The following COBL variants were observed in gnomAD, a reference collection of about 807,000 sequenced individuals.
COBL encodes the protein protein cordon-bleu.
A neutral mutation model predicts 98.8 loss-of-function variants in COBL; 51 were observed. That is an observed-to-expected ratio of 0.52 (90% CI 0.41 to 0.65). The LOEUF (loss-of-function observed/expected upper bound fraction) is 0.65. Ranked by LOEUF, COBL falls within the 30% of genes least tolerant of loss-of-function variation. The pLI is 0.00. For synonymous variants in COBL, 634 were observed against 651.7 expected (o/e 0.97, Z 0.41); for missense variants, 1,617 against 1,617.5 (o/e 1.00, Z 0.01).
intron 7 of COBL, among the ~76,000 whole-genome samples, chr7:51,080,557 A>C (rs1793550671): frequency 6.6e-6 from 1 of 152,186 alleles, no homozygotes. Flanking sequence ...GTGTCTGTGC[A>C]TACCCTACGA....
intron 1 of COBL, among the ~76,000 whole-genome samples, chr7:51,229,162 C>T (rs1330193176): frequency 3.9e-5 from 6 of 152,182 alleles, no homozygotes; most frequent in South Asian, 2.1e-4. Flanking sequence ...CTTCCCTGGA[C>T]GAGGAGTGCA....
At chr7:51,135,065 C>G (rs182966691) in intron 6 of COBL, among the ~76,000 whole-genome samples, 2 of 152,068 alleles carry the variant, frequency 1.3e-5, no homozygotes, top group Non-Finnish European at 2.9e-5. Flanking sequence ...TGGGTTCAAG[C>G]AATTCTCCTG....
intron 1 of COBL, among the ~76,000 whole-genome samples, chr7:51,270,577 C>T (rs557408070): frequency 1.3e-5 from 2 of 152,210 alleles, no homozygotes; most frequent in East Asian, 1.9e-4. Flanking sequence ...AATGCAAATA[C>T]AAATATTCCT....
intron 5 of COBL, among the ~76,000 whole-genome samples, chr7:51,174,179 A>G (rs1013990918): frequency 6.6e-6 from 1 of 152,214 alleles, no homozygotes; most frequent in African/African-American, 2.4e-5. Context: ...TTGGAAAGAC[A>G]GGCTTGGGTT....
At chr7:51,252,622 CT>C (rs538129075) in intron 1 of COBL, among the ~76,000 whole-genome samples, 107 of 152,204 alleles carry the variant, frequency 7.0e-4, no homozygotes, top group African/African-American at 2.5e-3. Flanking sequence ...AGATTAAAAG[CT>C]TTTTGGGGCA....
intron 7 of COBL, among the ~76,000 whole-genome samples, chr7:51,060,369 T>C (rs566738405): frequency 4.6e-5 from 7 of 152,316 alleles, no homozygotes; most frequent in East Asian, 1.9e-4. Flanking sequence ...CCAGAGAGCA[T>C]TGCTTCTGAT....
At chr7:51,230,592 A>C (rs1794652655) in intron 1 of COBL, among the ~76,000 whole-genome samples, 1 of 152,184 alleles carries the variant, frequency 6.6e-6, no homozygotes. Context: ...ACTCTGAAGG[A>C]ATCTCCTGCA....
intron 6 of COBL, among the ~76,000 whole-genome samples, chr7:51,088,091 A>G (rs1432321380): frequency 6.6e-6 from 1 of 152,026 alleles, no homozygotes; most frequent in Non-Finnish European, 1.5e-5. Context: ...GGGGCTTCTG[A>G]GTCCTTCCTG....
At chr7:51,285,313 T>C (rs562932029) in intron 1 of COBL, among the ~76,000 whole-genome samples, 1 of 151,640 alleles carries the variant, frequency 6.6e-6, no homozygotes, top group African/African-American at 2.4e-5. Context: ...GCATCAAATT[T>C]GGACAGAGAG....
chr7:51,046,474 T>C (rs1789713715), intron 7 of COBL, among the ~76,000 whole-genome samples: 1 of 152,212 alleles, frequency 6.6e-6, no homozygotes, highest in African/African-American at 2.4e-5. Context: ...TGCTCTGTCC[T>C]GGGCATCTTT....
At chr7:51,123,328 G>A (rs941546068) in intron 6 of COBL, among the ~76,000 whole-genome samples, 1 of 152,152 alleles carries the variant, frequency 6.6e-6, no homozygotes, top group African/African-American at 2.4e-5. Flanking sequence ...TGTATATTTG[G>A]AGCTGGCTAG....
At chr7:51,051,846 T>C (rs1029114281) in intron 7 of COBL, among the ~76,000 whole-genome samples, 7 of 126,546 alleles carry the variant, frequency 5.5e-5, no homozygotes, top group Non-Finnish European at 3.1e-5. Flanking sequence ...TGGCTTTGGC[T>C]GATGATGCTT....
chr7:51,040,334 G>T (rs1489626357), intron 8 of COBL, among the ~76,000 whole-genome samples: 1 of 151,824 alleles, frequency 6.6e-6, no homozygotes, highest in Non-Finnish European at 1.5e-5. Context: ...CAACTCTTTG[G>T]CAAATAACCC....
At chr7:51,086,910 A>C (rs954249232) in intron 6 of COBL, among the ~76,000 whole-genome samples, 1 of 152,152 alleles carries the variant, frequency 6.6e-6, no homozygotes, top group Admixed American at 6.5e-5. Flanking sequence ...ACAGAAAGTA[A>C]ATAACCCCAT....
intron 7 of COBL, among the ~76,000 whole-genome samples, chr7:51,059,632 G>A (rs1312728038): frequency 1.5e-5 from 2 of 137,300 alleles, no homozygotes; most frequent in Non-Finnish European, 3.0e-5. Flanking sequence ...GATCAAACAA[G>A]CCTGGTCAGG....
chr7:51,072,537 G>A (rs994165886), intron 7 of COBL: 5 of 152,194 alleles, frequency 3.3e-5, no homozygotes, highest in Non-Finnish European at 7.3e-5. Context: ...TGCCTGGGGA[G>A]CCACAGGTAG....
In COBL at chr7:51,244,318, C is replaced by T. The variant is rs548607102; in HGVS notation, c.42-24374G>A. 1.1e-4 allele frequency among the ~76,000 whole-genome samples: 16 copies of T among 152,344 alleles called. 1 individual carries two copies. The South Asian group carries it at 3.1e-3, about 30-fold the overall frequency. ...CATGACTGTAGTGGGTATTTGCTGT[C>T]CTCCTTCCTGTACACCTGCTGTCAT... On this transcript the variant is annotated intron_variant, in intron 1 of 12. Transcript: ENST00000265136.
chr7:51,061,359 A>G (rs1387151298), intron 7 of COBL, among the ~76,000 whole-genome samples: 1 of 152,148 alleles, frequency 6.6e-6, no homozygotes, highest in African/African-American at 2.4e-5. Flanking sequence ...TTTACATCAT[A>G]GTATTTTAAG....
At chr7:51,208,307 C>T (rs1475095869) in intron 2 of COBL, among the ~76,000 whole-genome samples, 75 of 149,514 alleles carry the variant, frequency 5.0e-4, no homozygotes, top group Admixed American at 4.6e-3. Flanking sequence ...GGAGCGTCTC[C>T]GCCCGGCAGC....
Sources: allele counts gnomAD v4.1 joint callset (sites outside exome capture counted in the v4.1 genomes callset), GRCh38; gene constraint gnomAD v4.1.1; transcripts MANE v1.5; gene names NCBI Gene and HGNC (gene_info 2026-07-23, HGNC 2026-07-21).